The following MANBA variants were observed in gnomAD, a reference collection of about 807,000 sequenced individuals.
MANBA encodes the protein mannosidase beta.
MANBA carries 83 observed loss-of-function variants against 111.1 expected under a neutral mutation model. The observed-to-expected ratio is 0.75, with a 90% confidence interval of 0.63 to 0.90. The LOEUF is 0.90. Among genes scored for constraint, MANBA ranks in the 40% least tolerant of loss-of-function variants. The pLI, the probability that MANBA is intolerant of heterozygous loss-of-function variation, is 0.00. For missense variants in MANBA, 1,036 were observed against 1,069.0 expected, an observed-to-expected ratio of 0.97 and a Z score of 0.43; for synonymous variants, 370 against 378.7, an observed-to-expected ratio of 0.98 and a Z score of 0.27.
intron 13 of MANBA, among the ~76,000 whole-genome samples, chr4:102,642,641 C>G (rs1443643491): frequency 6.6e-6 from 1 of 152,084 alleles, no homozygotes; most frequent in Admixed American, 6.5e-5. Flanking sequence ...CTATTCTCAG[C>G]AGCTTGCTTG....
At chr4:102,737,546 G>T (rs180826914) in intron 1 of MANBA, among the ~76,000 whole-genome samples, 28 of 151,988 alleles carry the variant, frequency 1.8e-4, no homozygotes, top group African/African-American at 6.3e-4. Flanking sequence ...GCAGTGGCAC[G>T]ATCTCTGCTC....
intron 1 of MANBA, chr4:102,729,113 G>A (rs1171095883): frequency 1.4e-6 from 1 of 736,692 alleles, no homozygotes; most frequent in Non-Finnish European, 2.5e-6. Flanking sequence ...CTCCAGCTTG[G>A]ACAGCTTGGC....
At chr4:102,744,557 G>A (rs1723524133) in intron 1 of MANBA, among the ~76,000 whole-genome samples, 1 of 152,204 alleles carries the variant, frequency 6.6e-6, no homozygotes, top group Non-Finnish European at 1.5e-5. Flanking sequence ...GGACAGGAAT[G>A]GGGAAAAAGA....
intron 5 of MANBA, among the ~76,000 whole-genome samples, chr4:102,704,991 G>C (rs933978669): frequency 6.6e-6 from 1 of 152,136 alleles, no homozygotes; most frequent in African/African-American, 2.4e-5. Context: ...GCTGACTAGC[G>C]GCATCTGGTA....
chr4:102,698,431 C>T (rs1327767629), intron 5 of MANBA, among the ~76,000 whole-genome samples: 2 of 149,224 alleles, frequency 1.3e-5, no homozygotes, highest in Non-Finnish European at 3.0e-5. Context: ...AGTCCTTGCC[C>T]ATGCCTATGT....
At position 102,722,900 on chromosome 4, in the gene MANBA, C is replaced by T; in HGVS notation, c.520G>A (p.Gly174Ser). 6.8e-6 allele frequency: 11 copies of T among 1,614,160 alleles called. No individual in the cohort carries two copies. Among genetic ancestry groups the T allele is most frequent in the Non-Finnish European group, 9.3e-6 (11 of 1,180,028 alleles). ...PPDCPPLVQK[G>S]ECHVNFVRKE... ...CGAACAAAGTTGACATGGCATTCAC[C>T]CTTCTGCACAAGTGGAGGGCAGTCT... Residue 174 changes from glycine (G) to serine (S), a missense_variant, in exon 4 of 17, where the codon GGT (glycine) becomes AGT (serine). Transcript: ENST00000647097.
Position 102,664,717 on chromosome 4 carries a change from A to G in MANBA, c.1453T>C (p.Tyr485His), listed in dbSNP as rs1731138748. ...PIYIKDYVTLYVKNIRELVLA... is the reference protein window; with the variant it reads ...PIYIKDYVTLHVKNIRELVLA... ...ACGAGCTCTCTGATGTTTTTCACATAGAGTGTCACATAGTCCTTGATGTAG... is the reference window on the plus strand; with the variant it reads ...ACGAGCTCTCTGATGTTTTTCACATGGAGTGTCACATAGTCCTTGATGTAG... The change falls in exon 11 of 17, where the codon TAT becomes CAT. Residue 485 changes from tyrosine to histidine, a missense_variant. Tyr to His is a moderately conservative substitution (Grantham distance 83). Coordinates refer to ENST00000647097, the MANE Select transcript of MANBA (RefSeq NM_005908.4). The G allele has an allele frequency of 6.2e-7, 1 of 1,613,362 alleles. No homozygotes were observed. Among genetic ancestry groups the G allele is most frequent in the African/African-American group, 1.3e-5 (1 of 75,056 alleles).
At chr4:102,734,723 A>G in intron 1 of MANBA, 1 of 714,096 alleles carries the variant, frequency 1.4e-6, no homozygotes, top group Non-Finnish European at 2.3e-6. Context: ...GGGTCTGAGG[A>G]GGCTGTGACA....
chr4:102,664,866 A>T lies in MANBA; in HGVS notation c.1318-14T>A, dbSNP rs1347435529. 6.4e-7 allele frequency: 1 copy of T among 1,571,566 alleles called. No homozygotes were observed. The highest frequency in any genetic ancestry group is 1.3e-5 in the African/African-American group (1 of 74,084). ...CAGTCTCTTGATCTGAAAATTAAGA[A>T]AACATAAAATGATTTTCAAAGAGTT... On this transcript the variant is annotated splice_polypyrimidine_tract_variant and intron_variant, in intron 10 of 16. Coordinates refer to ENST00000647097, the MANE Select transcript of MANBA (RefSeq NM_005908.4).
At chr4:102,755,161 A>C (rs1389775479) in intron 1 of MANBA, among the ~76,000 whole-genome samples, 1 of 152,194 alleles carries the variant, frequency 6.6e-6, no homozygotes, top group Non-Finnish European at 1.5e-5. Context: ...CCACATTGCC[A>C]AGACACTCCT....
intron 14 of MANBA, among the ~76,000 whole-genome samples, chr4:102,636,901 C>T (rs571809960): frequency 3.9e-5 from 6 of 152,206 alleles, no homozygotes; most frequent in African/African-American, 1.4e-4. Context: ...ATTGTAGCTC[C>T]CACAATTCCC....
chr4:102,713,664 G>C (rs1722179851), intron 5 of MANBA, among the ~76,000 whole-genome samples: 1 of 152,172 alleles, frequency 6.6e-6, no homozygotes, highest in Non-Finnish European at 1.5e-5. Flanking sequence ...CACTTTGGGA[G>C]GCTGAGGCGG....
chr4:102,718,621 A>G (rs886743954), intron 4 of MANBA, among the ~76,000 whole-genome samples: 1 of 152,234 alleles, frequency 6.6e-6, no homozygotes, highest in Non-Finnish European at 1.5e-5. Context: ...AAGGAAGCAG[A>G]GACAATAGGG....
rs1211901719 is a variant in MANBA at position 102,723,915 on chromosome 4, T to C, written c.325A>G (p.Ile109Val). 2 of 1,611,570 alleles carry C rather than the reference T, an allele frequency of 1.2e-6. No individual in the cohort carries two copies. The highest frequency in any genetic ancestry group is 1.7e-6 in the Non-Finnish European group (2 of 1,178,116). Residue 109 changes from isoleucine to valine, a missense_variant, in exon 3 of 17, where the codon ATC becomes GTC. By Grantham distance (29) the Ile-to-Val change is conservative. Coordinates refer to ENST00000647097, the MANE Select transcript of MANBA (RefSeq NM_005908.4). ...CCAATAGTGACTTCATTGAACAGGATTTTTGAAACCGTATCCACTCCCTCA... is the reference window on the plus strand; with the variant it reads ...CCAATAGTGACTTCATTGAACAGGACTTTTGAAACCGTATCCACTCCCTCA... ...ILEGVDTVSK[I>V]LFNEVTIGET...
chr4:102,675,423 T>C (rs1324707303), intron 7 of MANBA, among the ~76,000 whole-genome samples: 1 of 152,166 alleles, frequency 6.6e-6, no homozygotes, highest in Non-Finnish European at 1.5e-5. Flanking sequence ...TTTTCAGAGA[T>C]TAACTCAGTT....
chr4:102,726,693 C>T lies in MANBA; in HGVS notation c.178-10G>A, dbSNP rs376203233. On this transcript the variant is annotated splice_polypyrimidine_tract_variant and intron_variant, in intron 1 of 16. Coordinates refer to ENST00000647097, the MANE Select transcript of MANBA (RefSeq NM_005908.4). ...ATCTGTAGTAAGAATCCTGTTGATACAAGGTAAAAATTATGGTAGATGGTT... is the reference window on the plus strand; with the variant it reads ...ATCTGTAGTAAGAATCCTGTTGATATAAGGTAAAAATTATGGTAGATGGTT... The T allele has an allele frequency of 8.2e-6, 11 of 1,336,730 alleles. No individual in the cohort carries two copies. The African/African-American group carries it at 1.3e-4, about 16-fold the overall frequency. 82.8% of individuals were successfully genotyped at this position (1,336,730 alleles called of 1,614,324 possible). A position where few individuals can be genotyped will look rare whatever the true frequency, so the allele number is the denominator to read the frequency against.
At chr4:102,757,540 T>C (rs1165652965) in intron 1 of MANBA, among the ~76,000 whole-genome samples, 1 of 152,160 alleles carries the variant, frequency 6.6e-6, no homozygotes, top group East Asian at 1.9e-4. Context: ...ACCTCCCCCT[T>C]CTGTCTCCCA....
At chr4:102,735,194 G>C (rs944135202) in intron 1 of MANBA, among the ~76,000 whole-genome samples, 2 of 152,212 alleles carry the variant, frequency 1.3e-5, no homozygotes, top group African/African-American at 4.8e-5. Flanking sequence ...GCCCAGGCCA[G>C]GGTAGGCAGT....
chr4:102,728,601 T>G, intron 1 of MANBA: 1 of 463,490 alleles, frequency 2.2e-6, no homozygotes, highest in Non-Finnish European at 3.9e-6. Flanking sequence ...GGCATAGGCA[T>G]GGGGGGTCCC....
Sources: gnomAD v4.1 joint callset for allele counts (sites outside exome capture counted in the v4.1 genomes callset) on GRCh38, gnomAD v4.1.1 for gene constraint, MANE v1.5 for transcripts, NCBI Gene and HGNC (gene_info 2026-07-23, HGNC 2026-07-21) for gene names.